The following SETD1B variants were observed in gnomAD, a reference collection of about 807,000 sequenced individuals.
SETD1B encodes SET domain containing 1B, histone lysine methyltransferase.
Under a neutral mutation model 148.0 loss-of-function variants are expected in SETD1B, and 7 were observed. The ratio of observed to expected loss-of-function variants is 0.05; its 90% confidence interval spans 0.03 to 0.09. The LOEUF is 0.09. SETD1B is among the 10% of genes least tolerant of loss of function. The pLI is 1.00. For synonymous variants in SETD1B, 1,361 were observed against 1,186.5 expected (o/e 1.15, Z -3.02); for missense variants, 2,155 against 2,729.9 (o/e 0.79, Z 4.69).
chr12:121,814,618 G>GGCC lies in SETD1B; in HGVS notation c.2409_2411dup (p.Ala805dup). The GGCC allele has an allele frequency of 1.3e-6, 2 of 1,543,170 alleles. No homozygotes were observed. The highest frequency in any genetic ancestry group is 1.8e-6 in the Non-Finnish European group (2 of 1,142,496). On this transcript the variant is annotated inframe_insertion, in exon 7 of 17. Coordinates refer to ENST00000604567, the MANE Select transcript of SETD1B (RefSeq NM_001353345.2). ...CCTACCCGCCCTTCATGGCCGCTGC[G>GGCC]GCCGCCGCTGCCTCAGCTGGGCTCC... is the stretch of plus-strand genomic sequence containing the variant.
chr12:121,822,518 C>A lies in SETD1B; in HGVS notation c.3939C>A (p.Pro1313=), dbSNP rs1246734112. The A allele has an allele frequency of 6.5e-7, 1 of 1,549,398 alleles. No individual in the cohort carries two copies. Among genetic ancestry groups the A allele is most frequent in the Non-Finnish European group, 8.7e-7 (1 of 1,145,432 alleles). The change falls in exon 12 of 17, where the codon CCC becomes CCA. Residue 1313 remains proline, a synonymous_variant. Coordinates refer to ENST00000604567, the MANE Select transcript of SETD1B (RefSeq NM_001353345.2). ...PEHDLEVEPE[P]PMMLPLPLQP... ...ATGACCTGGAAGTGGAGCCGGAGCC[C>A]CCTATGATGCTCCCCTTGCCGCTGC... is the stretch of plus-strand genomic sequence containing the variant.
At chr12:121,812,863 G>A (rs1003113944) in intron 6 of SETD1B, among the ~76,000 whole-genome samples, 1 of 152,012 alleles carries the variant, frequency 6.6e-6, no homozygotes, top group Non-Finnish European at 1.5e-5. Context: ...CTCCTACCCC[G>A]CTACCTGCAG....
In SETD1B at chr12:121,814,410, C is replaced by T. The variant is rs1298829370; in HGVS notation, c.2195C>T (p.Ala732Val). The T allele has an allele frequency of 2.8e-6, 4 of 1,418,306 alleles. No homozygotes were observed. Among genetic ancestry groups the T allele is most frequent in the East Asian group, 2.6e-5 (1 of 38,748 alleles). The allele number at this position is 1,418,306 out of a possible 1,614,324, so 87.9% of individuals were successfully genotyped here. A position where few individuals can be genotyped will look rare whatever the true frequency, so the allele number is the denominator to read the frequency against. ...ACAGTGCCCCCACCACCCTTGCCAG[C>T]GCCGCCTGGAGTCCCGCCCCCACCC... ...AVTVPPPPLP[A>V]PPGVPPPPIL... is the part of the protein sequence containing the mutation. The change falls in exon 7 of 17, where the codon GCG (alanine) becomes GTG (valine). Residue 732 changes from alanine (A) to valine (V), a missense_variant. Ala to Val is a moderately conservative substitution (Grantham distance 64, BLOSUM62 0). Around this residue, in one of 11 missense-constraint regions of SETD1B, gnomAD observed 295 missense variants for 303.8 expected, o/e 0.97. Coordinates refer to ENST00000604567, the MANE Select transcript of SETD1B (RefSeq NM_001353345.2).
At chr12:121,825,508 GA>G in intron 13 of SETD1B, 142 bp downstream of exon 13, 4 of 587,330 alleles carry the variant, frequency 6.8e-6, no homozygotes, top group Admixed American at 3.1e-5. Context: ...TGGAAGGGGA[GA>G]GGCGGGTGGG....
intron 16 of SETD1B, among the ~76,000 whole-genome samples, chr12:121,828,739 G>C (rs1028122673): frequency 2.6e-5 from 4 of 152,344 alleles, no homozygotes; most frequent in African/African-American, 9.6e-5. Context: ...TTGCAGCTTA[G>C]TGAGTTACTT....
chr12:121,793,319 C>G, the SETD1B span: 50 of 1,458,306 alleles, frequency 3.4e-5, 3 homozygotes, highest in South Asian at 5.2e-4. Context: ...GTCCACCCCC[C>G]TCACTCGTCC....
chr12:121,820,527 T>C (rs1169297310), intron 11 of SETD1B, among the ~76,000 whole-genome samples: 1 of 152,116 alleles, frequency 6.6e-6, no homozygotes, highest in Non-Finnish European at 1.5e-5. Context: ...CTACCTCTTT[T>C]TTTATTTTTA....
chr12:121,808,954 C>T lies in SETD1B; in HGVS notation c.657+634C>T, dbSNP rs1005339077. Among the ~76,000 whole-genome samples, 2 of 152,220 alleles carry T rather than the reference C, an allele frequency of 1.3e-5. No homozygotes were observed. Among genetic ancestry groups the T allele is most frequent in the Non-Finnish European group, 2.9e-5 (2 of 68,050 alleles). On this transcript the variant is annotated intron_variant, in intron 5 of 16. Transcript: ENST00000604567. This position sits in a 1 kb window ranked among gnomAD's most constrained non-coding sequence, Gnocchi z 5.3. ...GTGCGATCTCAGCTCACTGCAAGCT[C>T]CACCTCCTGGGCTCAAGTGATTCTC...
At chr12:121,799,731 T>TGGGGGGGGGGGGGGG (rs1308261766), upstream of SETD1B, 1 of 31,728 alleles carries the variant, frequency 3.2e-5, no homozygotes, top group Non-Finnish European at 6.9e-5. Context: ...GGGGGGGGGG[T>TGGGGGGGGGGGGGGG]GGGGTGGGGC....
In SETD1B at chr12:121,810,837, T is replaced by TA; in HGVS notation, c.1890+3dup. 6.7e-7 allele frequency: 1 copy of TA among 1,492,248 alleles called. No individual in the cohort carries two copies. The highest frequency in any genetic ancestry group is 1.3e-5 in the South Asian group (1 of 76,684). The allele number at this position is 1,492,248 out of a possible 1,614,324, so 92.4% of individuals were successfully genotyped here. A position where few individuals can be genotyped will look rare whatever the true frequency, so the allele number is the denominator to read the frequency against. On this transcript the variant is annotated splice_region_variant and intron_variant, in intron 6 of 16. Coordinates refer to ENST00000604567, the MANE Select transcript of SETD1B (RefSeq NM_001353345.2). The surrounding 1 kb of genome is among the most constrained non-coding windows in gnomAD (Gnocchi z 7.6). ...CCGACCTCAGAGAAGATGGATGAGG[T>TA]ACCACCGTGTCTGTCCATCTGTCTG...
At chr12:121,827,481 G>C (rs750302217) in intron 13 of SETD1B, 38 bp from the exon 14 acceptor site, 3 of 1,500,338 alleles carry the variant, frequency 2.0e-6, no homozygotes, top group African/African-American at 2.8e-5. Flanking sequence ...CCGAGGACAC[G>C]GCCAGCTCCG....
At chr12:121,802,196 G>C (rs1875406370), upstream of SETD1B, 1 of 152,158 alleles carries the variant, frequency 6.6e-6, no homozygotes, top group South Asian at 2.1e-4. Flanking sequence ...TAGAACCTTA[G>C]CTTTATAAAG....
chr12:121,812,279 C>T (rs191744917), intron 6 of SETD1B, among the ~76,000 whole-genome samples: 46 of 152,328 alleles, frequency 3.0e-4, no homozygotes, highest in Middle Eastern at 6.8e-3. Context: ...GGGGGCTTTT[C>T]TTCTAAACAG....
At chr12:121,801,005 GC>G (rs1875324939), upstream of SETD1B, 1 of 152,168 alleles carries the variant, frequency 6.6e-6, no homozygotes, top group Non-Finnish European at 1.5e-5. Flanking sequence ...CGGGCTCGAA[GC>G]CTGTAAAGAA....
chr12:121,826,712 G>A (rs1592992049), intron 13 of SETD1B, among the ~76,000 whole-genome samples: 1 of 152,282 alleles, frequency 6.6e-6, no homozygotes, highest in East Asian at 1.9e-4. Flanking sequence ...GCGGTTTCCA[G>A]ACCGGATGTG....
In SETD1B at chr12:121,810,932, G is replaced by C; in HGVS notation, c.1890+97G>C. ...ATTTAGCATGACTAGCTAAGATGCG[G>C]AAGCAATGGGGCTAGGAAAGCCAAT... On this transcript the variant is annotated intron_variant, in intron 6 of 16. Coordinates refer to ENST00000604567, the MANE Select transcript of SETD1B (RefSeq NM_001353345.2). This position sits in a 1 kb window ranked among gnomAD's most constrained non-coding sequence, Gnocchi z 7.6. 1 of 1,387,234 alleles carries C rather than the reference G, an allele frequency of 7.2e-7. No individual in the cohort carries two copies. The highest frequency in any genetic ancestry group is 9.6e-7 in the Non-Finnish European group (1 of 1,046,388). 85.9% of individuals were successfully genotyped at this position (1,387,234 alleles called of 1,614,324 possible).
At chr12:121,799,731 T>TGGGGGCG, upstream of SETD1B, 1 of 31,728 alleles carries the variant, frequency 3.2e-5, no homozygotes, top group African/African-American at 1.0e-4. Context: ...GGGGGGGGGG[T>TGGGGGCG]GGGGTGGGGC....
intron 16 of SETD1B, among the ~76,000 whole-genome samples, chr12:121,828,897 C>G (rs1443096753): frequency 6.6e-6 from 1 of 152,218 alleles, no homozygotes; most frequent in Non-Finnish European, 1.5e-5. Flanking sequence ...CCTGCTGGCT[C>G]TCTTCGTTGT....
In SETD1B at chr12:121,819,462, C is replaced by T. The variant is rs1467544522; in HGVS notation, c.3477C>T (p.Ser1159=). The part of the protein sequence containing the change: ...KAEATSSSES[S]ESSEFESSSE... The stretch of plus-strand genomic sequence containing the variant: ...AAGCCACGTCGTCCAGTGAGAGTTC[C>T]GAGTCTTCTGAGTTTGAGTCAAGCT... Residue 1159 remains serine, a synonymous_variant, in exon 11 of 17, where the codon TCC becomes TCT. Transcript: ENST00000604567. The T allele has an allele frequency of 3.2e-6, 5 of 1,552,040 alleles. No homozygotes were observed. The highest frequency in any genetic ancestry group is 1.4e-5 in the African/African-American group (1 of 73,024).
Sources: allele counts gnomAD v4.1 joint callset (sites outside exome capture counted in the v4.1 genomes callset), GRCh38; gene constraint gnomAD v4.1.1; regional missense constraint gnomAD v4.1.1; non-coding constraint Gnocchi (gnomAD v3.1); transcripts MANE v1.5; gene names NCBI Gene and HGNC (gene_info 2026-07-23, HGNC 2026-07-21).